Variants in SH2D4B observed in about 807,000 individuals in gnomAD.
SH2D4B encodes the protein SH2 domain-containing protein 4B.
In SH2D4B, 45 loss-of-function variants were observed where a neutral mutation model predicts 61.5. That is an observed-to-expected ratio of 0.73 (90% CI 0.58 to 0.94). SH2D4B has a LOEUF of 0.94. Ranked by LOEUF, SH2D4B falls within the 40% of genes least tolerant of loss-of-function variation. The pLI, the probability that SH2D4B is intolerant of heterozygous loss-of-function variation, is 0.00. For missense variants in SH2D4B, 572 were observed against 574.2 expected, an observed-to-expected ratio of 1.00 and a Z score of 0.04; for synonymous variants, 224 against 220.4, an observed-to-expected ratio of 1.02 and a Z score of -0.14.
chr10:80,641,578 G>A (rs927351580), intron 7 of SH2D4B, among the ~76,000 whole-genome samples: 10 of 152,252 alleles, frequency 6.6e-5, no homozygotes, highest in Non-Finnish European at 1.3e-4. Flanking sequence ...TTAGGACCAA[G>A]AGTTAAGCCT....
At chr10:80,592,410 T>A (rs1307726484) in intron 4 of SH2D4B, among the ~76,000 whole-genome samples, 1 of 152,212 alleles carries the variant, frequency 6.6e-6, no homozygotes. Flanking sequence ...TTTTTTTGGT[T>A]GTTTATGATT....
rs1564533792 is a variant in SH2D4B, at chr10:80,644,071, C to T, written c.1288C>T (p.Leu430=). ...GAGGGACAGCCCACCAGACTACCAT[C>T]TGTTGTTTGAATAATTTTTTTCCTT... ...GQRDSPPDYH[L]LFE The change falls in exon 8 of 8, where the codon CTG becomes TTG. Residue 430 remains leucine (L), a synonymous_variant. Transcript: ENST00000646907. 5 of 1,613,594 alleles carry T rather than the reference C, an allele frequency of 3.1e-6. No homozygotes were observed. The highest frequency in any genetic ancestry group is 1.3e-5 in the African/African-American group (1 of 74,886).
At position 80,539,123 on chromosome 10, in the gene SH2D4B, A is replaced by C. The variant is rs1478819143; in HGVS notation, c.184+608A>C. Among the ~76,000 whole-genome samples the C allele has an allele frequency of 6.6e-6, 1 of 152,216 alleles. No homozygotes were observed. The highest frequency in any genetic ancestry group is 6.5e-5 in the Admixed American group (1 of 15,284). ...GTCGTAGCAACTGCAGATGAGAAGC[A>C]AGGGCCTAGCCTACATTTCAGGTGT... On this transcript the variant is annotated intron_variant, in intron 1 of 7. Coordinates refer to ENST00000646907, the MANE Select transcript of SH2D4B (RefSeq NM_001388272.1). This position sits in a 1 kb window ranked among gnomAD's most constrained non-coding sequence, Gnocchi z 4.9.
rs148169302 is a variant in SH2D4B at position 80,569,170 on chromosome 10, T to C, written c.185-984T>C. On this transcript the variant is annotated intron_variant, in intron 1 of 7. Transcript: ENST00000646907. ...ATTTCTTGCTAGTGTCACGGTCTGT[T>C]GTGGGACTGGGAGACTCAGGGCCCC... Among the ~76,000 whole-genome samples, 623 of 152,336 alleles carry C rather than the reference T, an allele frequency of 4.1e-3. 5 individuals carry two copies. The highest frequency in any genetic ancestry group is 0.014 in the African/African-American group (588 of 41,582).
chr10:80,624,345 GTTC>G (rs529952111), intron 6 of SH2D4B, among the ~76,000 whole-genome samples: 314 of 152,322 alleles, frequency 2.1e-3, no homozygotes, highest in African/African-American at 7.2e-3. Flanking sequence ...AGCTCCTCCA[GTTC>G]TTCTCTGCCT....
Position 80,588,699 on chromosome 10 carries a change from G to C in SH2D4B, c.565G>C (p.Glu189Gln). ...IRLQEEQRAK[E>Q]LYWTLKQAQL... ...CCTCCAGGAAGAGCAGAGGGCGAAG[G>C]AGCTCTACTGGACCCTGAAGCAGGC... Residue 189 changes from glutamate (E) to glutamine (Q), a missense_variant, in exon 4 of 8, where the codon GAG becomes CAG. By Grantham distance (29) the Glu-to-Gln change is conservative. Transcript: ENST00000646907. 9 of 1,614,108 alleles carry C rather than the reference G, an allele frequency of 5.6e-6. No homozygotes were observed. The highest frequency in any genetic ancestry group is 7.6e-6 in the Non-Finnish European group (9 of 1,180,038).
intron 3 of SH2D4B, among the ~76,000 whole-genome samples, chr10:80,579,551 G>A (rs1473593433): frequency 6.6e-6 from 1 of 151,902 alleles, no homozygotes; most frequent in Non-Finnish European, 1.5e-5. Flanking sequence ...CCACCCCGGG[G>A]TCCTGTGACC....
At chr10:80,559,892 C>T (rs1284001924) in intron 1 of SH2D4B, among the ~76,000 whole-genome samples, 1 of 151,846 alleles carries the variant, frequency 6.6e-6, no homozygotes, top group Non-Finnish European at 1.5e-5. Context: ...CCACCTTTGC[C>T]CCCCCAGAGT....
At chr10:80,643,726 C>G (rs1006903256) in intron 7 of SH2D4B, among the ~76,000 whole-genome samples, 11 of 152,094 alleles carry the variant, frequency 7.2e-5, no homozygotes, top group Admixed American at 6.6e-5. Context: ...ACTCCTCTGA[C>G]AAGCCCCTCC....
chr10:80,622,666 GGGA>G (rs561292270), intron 6 of SH2D4B, among the ~76,000 whole-genome samples: 2 of 152,112 alleles, frequency 1.3e-5, no homozygotes, highest in Non-Finnish European at 2.9e-5. Context: ...CCCAGGGTTG[GGGA>G]GGGCAGAACT....
intron 4 of SH2D4B, among the ~76,000 whole-genome samples, chr10:80,601,947 G>T (rs1183048287): frequency 1.3e-5 from 2 of 152,142 alleles, no homozygotes; most frequent in Non-Finnish European, 2.9e-5. Context: ...CCAGCAAGAG[G>T]TTTTTTTGCA....
At chr10:80,572,126 G>T (rs1842055628) in intron 3 of SH2D4B, among the ~76,000 whole-genome samples, 1 of 152,128 alleles carries the variant, frequency 6.6e-6, no homozygotes, top group Non-Finnish European at 1.5e-5. Flanking sequence ...AGACAGAAGA[G>T]ACTTGGCCAA....
intron 6 of SH2D4B, among the ~76,000 whole-genome samples, chr10:80,623,193 G>A (rs1333688299): frequency 6.6e-6 from 1 of 152,260 alleles, no homozygotes; most frequent in African/African-American, 2.4e-5. Context: ...GGGATTACAG[G>A]CGTGAGCCGC....
At chr10:80,588,302 C>T (rs1842283460) in intron 3 of SH2D4B, among the ~76,000 whole-genome samples, 1 of 152,168 alleles carries the variant, frequency 6.6e-6, no homozygotes, top group Non-Finnish European at 1.5e-5. Flanking sequence ...TCAGGCATCT[C>T]ATAGTCTGGT....
chr10:80,588,870 C>T lies in SH2D4B; in HGVS notation c.643+93C>T, dbSNP rs151277711. Reference sequence around the variant, plus strand: ...GATGTACTCATTCGTCATTTCCATTCGCTCACTCACCCCATCAGCCTTTAC... The same window carrying T: ...GATGTACTCATTCGTCATTTCCATTTGCTCACTCACCCCATCAGCCTTTAC... On this transcript the variant is annotated intron_variant, in intron 4 of 7. Transcript: ENST00000646907. The T allele has an allele frequency of 1.2e-3, 1,795 of 1,463,118 alleles. 22 individuals carry two copies. In the African/African-American group the frequency reaches 0.023, roughly 18 times the overall value. The allele number at this position is 1,463,118 out of a possible 1,614,324, so 90.6% of individuals were successfully genotyped here. A position where few individuals can be genotyped will look rare whatever the true frequency, so the allele number is the denominator to read the frequency against.
Position 80,646,194 on chromosome 10 carries a change from A to G in SH2D4B, c.*2109A>G, listed in dbSNP as rs1029014784. 1 of 152,658 alleles carries G rather than the reference A, an allele frequency of 6.6e-6. No homozygotes were observed. The highest frequency in any genetic ancestry group is 1.5e-5 in the Non-Finnish European group (1 of 68,042). 9.5% of individuals were successfully genotyped at this position (152,658 alleles called of 1,614,324 possible). ...ACAATAACAACTTAGTGCTTAGCCC[A>G]TGATGTATCAGGGGATATGATGTGA... On this transcript the variant is annotated 3_prime_UTR_variant, in exon 8 of 8. Transcript: ENST00000646907.
chr10:80,611,634 C>T (rs1030657900), intron 6 of SH2D4B, among the ~76,000 whole-genome samples: 2 of 152,208 alleles, frequency 1.3e-5, no homozygotes. Context: ...AAGTGCAGCA[C>T]TGGCATCTTA....
intron 1 of SH2D4B, among the ~76,000 whole-genome samples, chr10:80,549,472 T>C (rs973372089): frequency 1.3e-5 from 2 of 152,132 alleles, no homozygotes; most frequent in Admixed American, 6.5e-5. Flanking sequence ...TGCAGATGAG[T>C]GAGCTCCTCA....
rs1270806112 is a variant in SH2D4B, at chr10:80,629,586, G to A, written c.989-4699G>A. Among the ~76,000 whole-genome samples the A allele has an allele frequency of 3.9e-5, 6 of 152,250 alleles. No individual in the cohort carries two copies. The East Asian group carries it at 5.8e-4, about 15-fold the overall frequency. ...GTGTGTGTCAGGGGTTGTGGTGGGGGACACAGCCTGACAGTCCTGTGACCA... is the reference window on the plus strand; with the variant it reads ...GTGTGTGTCAGGGGTTGTGGTGGGGAACACAGCCTGACAGTCCTGTGACCA... On this transcript the variant is annotated intron_variant, in intron 6 of 7. Coordinates refer to ENST00000646907, the MANE Select transcript of SH2D4B (RefSeq NM_001388272.1).
Sources: gnomAD v4.1 joint callset for allele counts (sites outside exome capture counted in the v4.1 genomes callset) on GRCh38, gnomAD v4.1.1 for gene constraint, Gnocchi (gnomAD v3.1) non-coding constraint, MANE v1.5 for transcripts, NCBI Gene and HGNC (gene_info 2026-07-23, HGNC 2026-07-21) for gene names.